The following ABCC1 variants were observed in gnomAD, a reference collection of about 807,000 sequenced individuals.
The protein encoded by ABCC1 is multidrug resistance-associated protein 1.
A neutral mutation model predicts 172.9 loss-of-function variants in ABCC1; 83 were observed. The observed-to-expected ratio is 0.48, with a 90% confidence interval of 0.40 to 0.58. The LOEUF (loss-of-function observed/expected upper bound fraction) is 0.58, where lower values mean the gene tolerates loss of function less well. Ranked by LOEUF, ABCC1 falls within the 20% of genes least tolerant of loss-of-function variation. The pLI is 0.00. For missense variants in ABCC1, 1,817 were observed against 2,002.7 expected, an observed-to-expected ratio of 0.91 and a Z score of 1.77; for synonymous variants, 937 against 825.2, an observed-to-expected ratio of 1.14 and a Z score of -2.32.
chr16:16,033,213 G>A (rs1271564444), intron 6 of ABCC1, 43 bp downstream of exon 6: 1 of 1,452,634 alleles, frequency 6.9e-7, no homozygotes, highest in South Asian at 1.2e-5. Flanking sequence ...GGTGGGGAGT[G>A]AATGAATGAA....
intron 12 of ABCC1, among the ~76,000 whole-genome samples, chr16:16,061,772 C>CTTTTTTTTT (rs201926082): frequency 1.5e-3 from 172 of 116,184 alleles, no homozygotes; most frequent in Non-Finnish European, 2.3e-3. Flanking sequence ...TTCTTTTTTT[C>CTTTTTTTTT]TTTTTTTTTT....
chr16:16,052,067 C>CA (rs1034353227), intron 10 of ABCC1, among the ~76,000 whole-genome samples: 4 of 152,160 alleles, frequency 2.6e-5, no homozygotes, highest in Non-Finnish European at 4.4e-5. Flanking sequence ...CTTGTCTCTA[C>CA]AAAAAATCAA....
intron 5 of ABCC1, among the ~76,000 whole-genome samples, chr16:16,028,365 C>G (rs895150357): frequency 1.3e-5 from 2 of 152,108 alleles, no homozygotes; most frequent in African/African-American, 4.8e-5. Context: ...CAGCTCCGTC[C>G]GCGGCACTTC....
chr16:15,951,636 A>G (rs1215727451), intron 1 of ABCC1, among the ~76,000 whole-genome samples: 1 of 152,092 alleles, frequency 6.6e-6, no homozygotes, highest in Non-Finnish European at 1.5e-5. Context: ...AAATTGAAAT[A>G]TAATTAACTG....
intron 1 of ABCC1, among the ~76,000 whole-genome samples, chr16:15,988,100 G>A (rs2046781952): frequency 6.6e-6 from 1 of 152,136 alleles, no homozygotes. Flanking sequence ...TGGGATTACA[G>A]GCATGCACTA....
rs780831828 is a variant in ABCC1 at position 16,111,381 on chromosome 16, C to T, written c.2878C>T (p.Leu960Phe). The change falls in exon 22 of 31, where the codon CTT becomes TTT. Residue 960 changes from leucine (L) to phenylalanine (F), a missense_variant. Around this residue, in one of 3 missense-constraint regions of ABCC1, gnomAD observed 1,412 missense variants for 1,600.3 expected, o/e 0.88. Coordinates refer to ENST00000399410, the MANE Select transcript of ABCC1 (RefSeq NM_004996.4). ...ADKAQTGQVK[L>F]SVYWDYMKAI... ...TATCTCCTGTGATCTCCAGGTCAAG[C>T]TTTCCGTGTACTGGGACTACATGAA... The T allele has an allele frequency of 6.2e-7, 1 of 1,614,076 alleles. No individual in the cohort carries two copies. The highest frequency in any genetic ancestry group is 1.1e-5 in the South Asian group (1 of 91,078).
At chr16:16,041,094 ATT>A (rs35254618) in intron 7 of ABCC1, among the ~76,000 whole-genome samples, 22 of 133,034 alleles carry the variant, frequency 1.7e-4, no homozygotes, top group Non-Finnish European at 1.1e-4. Flanking sequence ...CACCTGGCTA[ATT>A]TTTTTTTTTT....
intron 10 of ABCC1, among the ~76,000 whole-genome samples, chr16:16,049,103 T>G (rs1474589672): frequency 6.6e-6 from 1 of 152,194 alleles, no homozygotes; most frequent in Non-Finnish European, 1.5e-5. Flanking sequence ...ATGTTGTCAG[T>G]ACTCAGTTTC....
intron 1 of ABCC1, among the ~76,000 whole-genome samples, chr16:15,983,816 A>G (rs1240223696): frequency 6.6e-6 from 1 of 152,038 alleles, no homozygotes; most frequent in African/African-American, 2.4e-5. Flanking sequence ...TCAGCCTCCC[A>G]AAGTACTGGG....
chr16:16,107,609 G>A (rs1046294776), intron 21 of ABCC1, among the ~76,000 whole-genome samples: 15 of 152,064 alleles, frequency 9.9e-5, no homozygotes, highest in Admixed American at 9.8e-4. Context: ...TTCTCATTTG[G>A]TCCTAATGAT....
rs45460392 is a variant in ABCC1, at chr16:16,083,345, C to A, written c.2116-21C>A. On this transcript the variant is annotated intron_variant, in intron 16 of 30. Transcript: ENST00000399410. ...ATCTGTCTGTGTGTCTGTCTCACCTCGTTCTCCATTTGCAACTTAGGGCTC... is the reference window on the plus strand; with the variant it reads ...ATCTGTCTGTGTGTCTGTCTCACCTAGTTCTCCATTTGCAACTTAGGGCTC... 1.1e-3 allele frequency: 1,832 copies of A among 1,610,230 alleles called. 13 individuals are homozygous for A. The African/African-American group carries it at 0.022, about 19-fold the overall frequency.
At chr16:16,080,243 A>T (rs560701075) in intron 16 of ABCC1, among the ~76,000 whole-genome samples, 17 of 152,086 alleles carry the variant, frequency 1.1e-4, no homozygotes, top group African/African-American at 4.1e-4. Flanking sequence ...CTTTATCTTT[A>T]TGGATCTCTG....
intron 18 of ABCC1, among the ~76,000 whole-genome samples, chr16:16,088,832 C>T (rs1233430629): frequency 2.0e-5 from 3 of 152,038 alleles, no homozygotes; most frequent in Admixed American, 6.6e-5. Context: ...TTCTGAGTAG[C>T]TCCTGGGACC....
chr16:15,995,427 A>G (rs566141012), intron 1 of ABCC1, among the ~76,000 whole-genome samples: 1 of 152,270 alleles, frequency 6.6e-6, no homozygotes, highest in East Asian at 1.9e-4. Context: ...TCTACCTGAT[A>G]AAGAACTAGC....
chr16:16,040,837 A>G (rs2048949111), intron 7 of ABCC1, among the ~76,000 whole-genome samples: 1 of 152,018 alleles, frequency 6.6e-6, no homozygotes, highest in Non-Finnish European at 1.5e-5. Flanking sequence ...GTGGATATTT[A>G]GGGACAAGAG....
Position 16,052,716 on chromosome 16 carries a change from T to C in ABCC1, c.1381-8T>C. On this transcript the variant is annotated splice_polypyrimidine_tract_variant and splice_region_variant and intron_variant, in intron 10 of 30. Coordinates refer to ENST00000399410, the MANE Select transcript of ABCC1 (RefSeq NM_004996.4). ...GTGAGTGATGAAGAGTCTCCTTTCCTTCCTTAGAATCTGGGCCCTTCCGTC... is the reference window on the plus strand; with the variant it reads ...GTGAGTGATGAAGAGTCTCCTTTCCCTCCTTAGAATCTGGGCCCTTCCGTC... 6.2e-7 allele frequency: 1 copy of C among 1,613,936 alleles called. No homozygotes were observed. Among genetic ancestry groups the C allele is most frequent in the Non-Finnish European group, 8.5e-7 (1 of 1,179,840 alleles).
chr16:16,087,143 C>A lies in ABCC1; in HGVS notation c.2460+152C>A, dbSNP rs550226212. On this transcript the variant is annotated intron_variant, in intron 18 of 30. Transcript: ENST00000399410. Reference sequence around the variant, plus strand: ...ACATTTCTCATGCTTGTCTTGGAAGCCTTCCTAAGACAGCCGTCTTGTACT... The same window carrying A: ...ACATTTCTCATGCTTGTCTTGGAAGACTTCCTAAGACAGCCGTCTTGTACT... 7.6e-5 allele frequency: 74 copies of A among 976,748 alleles called. No homozygotes were observed. In the African/African-American group the frequency reaches 1.1e-3, roughly 14 times the overall value. The allele number at this position is 976,748 out of a possible 1,614,324, so 60.5% of individuals were successfully genotyped here. A position where few individuals can be genotyped will look rare whatever the true frequency, so the allele number is the denominator to read the frequency against.
chr16:16,114,344 A>T (rs865931777), intron 22 of ABCC1, among the ~76,000 whole-genome samples: 1 of 145,794 alleles, frequency 6.9e-6, no homozygotes. Context: ...TATTATTACT[A>T]TTTTTTTTTT....
chr16:16,020,667 C>A (rs1429526071), intron 5 of ABCC1, among the ~76,000 whole-genome samples: 1 of 152,164 alleles, frequency 6.6e-6, no homozygotes, highest in Non-Finnish European at 1.5e-5. Context: ...ATTTCTTTAG[C>A]TCTGATGACT....
Sources: gnomAD v4.1 joint callset for allele counts (sites outside exome capture counted in the v4.1 genomes callset) on GRCh38, gnomAD v4.1.1 for gene constraint, gnomAD v4.1.1 regional missense constraint, MANE v1.5 for transcripts, NCBI Gene and HGNC (gene_info 2026-07-23, HGNC 2026-07-21) for gene names.